GAB2: variants seen among roughly 807,000 people sequenced by gnomAD.
GAB2 encodes the protein GRB2 associated binding protein 2, also known as GRB2-associated-binding protein 2.
GAB2 carries 26 observed loss-of-function variants against 65.5 expected under a neutral mutation model. That is an observed-to-expected ratio of 0.40 (90% confidence interval 0.29 to 0.55). The LOEUF (loss-of-function observed/expected upper bound fraction) is 0.55, where lower values mean the gene tolerates loss of function less well. GAB2 is among the 20% of genes least tolerant of loss of function. The pLI, the probability that GAB2 is intolerant of heterozygous loss-of-function variation, is 0.53. For missense variants in GAB2, 884 were observed against 875.8 expected, an observed-to-expected ratio of 1.01 and a Z score of -0.12; for synonymous variants, 321 against 329.6, an observed-to-expected ratio of 0.97 and a Z score of 0.28.
intron 6 of GAB2, among the ~76,000 whole-genome samples, 160 bp downstream of exon 6, chr11:78,223,252 T>G (rs1415085987): frequency 6.6e-6 from 1 of 152,138 alleles, no homozygotes; most frequent in East Asian, 1.9e-4. Flanking sequence ...GAGGTAGGAA[T>G]TACCATCTGC....
At chr11:78,227,542 C>T (rs1160355893) in intron 3 of GAB2, among the ~76,000 whole-genome samples, 1 of 150,500 alleles carries the variant, frequency 6.6e-6, no homozygotes, top group Admixed American at 6.7e-5. Context: ...TGACTGTAAT[C>T]CCTGCACTTT....
intron 1 of GAB2, among the ~76,000 whole-genome samples, chr11:78,281,541 C>T (rs1168635264): frequency 6.6e-6 from 1 of 152,184 alleles, no homozygotes; most frequent in Admixed American, 6.5e-5. Flanking sequence ...CCACCATGCC[C>T]AGACGACCTT....
intron 1 of GAB2, among the ~76,000 whole-genome samples, chr11:78,410,812 G>C (rs1432998254): frequency 6.6e-6 from 1 of 152,122 alleles, no homozygotes; most frequent in Non-Finnish European, 1.5e-5. Flanking sequence ...TTAATCTGGA[G>C]AATTCTACCA....
intron 1 of GAB2, among the ~76,000 whole-genome samples, chr11:78,406,885 TAAAAAAA>T (rs572860382): frequency 0.063 from 9,576 of 151,618 alleles, 966 homozygotes; most frequent in African/African-American, 0.22. Context: ...AAAGTCTCAG[TAAAAAAA>T]TAGAAGATGT....
At chr11:78,336,355 A>C (rs1424997176) in intron 1 of GAB2, among the ~76,000 whole-genome samples, 546 of 147,192 alleles carry the variant, frequency 3.7e-3, no homozygotes, top group Non-Finnish European at 6.2e-3. Context: ...AAAAAAAAAA[A>C]AAAAAAACAC....
At chr11:78,415,555 G>A (rs1266177458) in intron 1 of GAB2, among the ~76,000 whole-genome samples, 4 of 152,208 alleles carry the variant, frequency 2.6e-5, no homozygotes, top group Admixed American at 6.5e-5. Context: ...CTGAACTTCC[G>A]AAGGGGCAGA....
chr11:78,231,623 C>A (rs937068771), intron 3 of GAB2, among the ~76,000 whole-genome samples: 1 of 152,228 alleles, frequency 6.6e-6, no homozygotes, highest in African/African-American at 2.4e-5. Flanking sequence ...GCTGGGATTA[C>A]AGGCGTGAGC....
At chr11:78,367,624 T>C (rs1856513520) in intron 1 of GAB2, among the ~76,000 whole-genome samples, 1 of 152,086 alleles carries the variant, frequency 6.6e-6, no homozygotes, top group Admixed American at 6.5e-5. Context: ...AAGATACCAG[T>C]CTATAATCTG....
chr11:78,275,868 C>T (rs1866154053), intron 2 of GAB2, among the ~76,000 whole-genome samples: 1 of 151,998 alleles, frequency 6.6e-6, no homozygotes, highest in Non-Finnish European at 1.5e-5. Flanking sequence ...AATCCCAGCA[C>T]TTTGGGAGGC....
chr11:78,221,434 G>A (rs565712977), intron 8 of GAB2, among the ~76,000 whole-genome samples: 177 of 152,280 alleles, frequency 1.2e-3, no homozygotes, highest in African/African-American at 4.0e-3. Context: ...TGAGAGGCAG[G>A]CCCCTGCTCT....
chr11:78,384,528 C>T (rs186259557), intron 1 of GAB2, among the ~76,000 whole-genome samples: 1 of 152,200 alleles, frequency 6.6e-6, no homozygotes, highest in South Asian at 2.1e-4. Context: ...GGACCCAGAA[C>T]TGGGTGCAGA....
intron 1 of GAB2, among the ~76,000 whole-genome samples, chr11:78,321,678 C>G (rs968862535): frequency 6.6e-6 from 1 of 152,116 alleles, no homozygotes; most frequent in Non-Finnish European, 1.5e-5. Context: ...AAGTACTCTA[C>G]TTGCATTTAA....
At chr11:78,292,251 G>A (rs919596128) in intron 1 of GAB2, among the ~76,000 whole-genome samples, 3 of 152,082 alleles carry the variant, frequency 2.0e-5, no homozygotes, top group African/African-American at 7.2e-5. Flanking sequence ...TTCAGAAAGC[G>A]GGAAGTTAAA....
At chr11:78,399,615 A>G (rs1856944651) in intron 1 of GAB2, among the ~76,000 whole-genome samples, 1 of 152,196 alleles carries the variant, frequency 6.6e-6, no homozygotes, top group African/African-American at 2.4e-5. Context: ...TTGATGTGCT[A>G]CCCAGCTTGA....
At chr11:78,328,850 G>A (rs1016433024) in intron 1 of GAB2, among the ~76,000 whole-genome samples, 16 of 152,072 alleles carry the variant, frequency 1.1e-4, no homozygotes, top group African/African-American at 3.6e-4. Context: ...TATATAGTCT[G>A]ATAGGAGCTT....
chr11:78,284,250 C>T (rs1032964717), intron 1 of GAB2, among the ~76,000 whole-genome samples: 2 of 152,254 alleles, frequency 1.3e-5, no homozygotes, highest in Non-Finnish European at 2.9e-5. Flanking sequence ...CTCACCTCCA[C>T]TGTTGCTCAC....
chr11:78,303,115 T>G (rs1251718355), intron 1 of GAB2, among the ~76,000 whole-genome samples: 1 of 152,026 alleles, frequency 6.6e-6, no homozygotes, highest in Non-Finnish European at 1.5e-5. Context: ...GGGTGATGAG[T>G]GCACCAAAAT....
intron 1 of GAB2, among the ~76,000 whole-genome samples, chr11:78,281,566 G>A (rs1254774376): frequency 6.6e-6 from 1 of 152,148 alleles, no homozygotes; most frequent in African/African-American, 2.4e-5. Context: ...CTTTTAATAG[G>A]TCCTCAGATA....
intron 1 of GAB2, among the ~76,000 whole-genome samples, chr11:78,285,505 T>A (rs1866455128): frequency 6.6e-6 from 1 of 152,154 alleles, no homozygotes; most frequent in South Asian, 2.1e-4. Flanking sequence ...ATTTTTAGAG[T>A]ACCCAGGCTG....
Sources: gnomAD v4.1 joint callset for allele counts (sites outside exome capture counted in the v4.1 genomes callset) on GRCh38, gnomAD v4.1.1 for gene constraint, MANE v1.5 for transcripts, NCBI Gene and HGNC (gene_info 2026-07-23, HGNC 2026-07-21) for gene names.